The following ZMAT1 variants were observed in gnomAD, a reference collection of about 807,000 sequenced individuals.
ZMAT1 encodes zinc finger matrin-type 1, also known as zinc finger matrin-type protein 1.
Under a neutral mutation model 18.5 loss-of-function variants are expected in ZMAT1, and 11 were observed. The observed-to-expected ratio is 0.59, with a 90% CI of 0.37 to 0.98. The LOEUF is 0.98. Among genes scored for constraint, ZMAT1 ranks in the 50% least tolerant of loss-of-function variants. The pLI, the probability that ZMAT1 is intolerant of heterozygous loss-of-function variation, is 0.01. For synonymous variants in ZMAT1, 211 were observed against 176.4 expected, an observed-to-expected ratio of 1.20 and a Z score of -1.55; for missense variants, 525 against 496.2, an observed-to-expected ratio of 1.06 and a Z score of -0.55.
Position 101,914,472 on chromosome X carries a change from G to A in ZMAT1, c.293-10142C>T, listed in dbSNP as rs916184226. Among the ~76,000 whole-genome samples, 3 of 110,804 alleles carry A rather than the reference G, an allele frequency of 2.7e-5. No homozygotes were observed. The Admixed American group carries it at 2.9e-4, about 11-fold the overall frequency. ...ATTAGCCAGACTACTAAGAAAAAAA[G>A]CAAGAAGATCCAAATATATCAAATC... On this transcript the variant is annotated intron_variant, in intron 1 of 5. Transcript: ENST00000651725.
Position 101,922,945 on chromosome X carries a change from A to T in ZMAT1, c.292+8772T>A, listed in dbSNP as rs138947604. Among the ~76,000 whole-genome samples, 633 of 111,446 alleles carry T rather than the reference A, an allele frequency of 5.7e-3. 3 individuals are homozygous for T. The highest frequency in any genetic ancestry group is 8.1e-3 in the Non-Finnish European group (428 of 53,082). On this transcript the variant is annotated intron_variant, in intron 1 of 5. Coordinates refer to ENST00000651725, the MANE Select transcript of ZMAT1 (RefSeq NM_001394560.1). ...CCTCAGGGAGCAGATGTTCAATTAG[A>T]GGATAGGTGAGCAGATAATGTTGAC... is the stretch of plus-strand genomic sequence containing the variant.
intron 4 of ZMAT1, among the ~76,000 whole-genome samples, chrX:101,893,616 C>T (rs919437374): frequency 4.5e-5 from 5 of 111,486 alleles, no homozygotes; most frequent in Admixed American, 9.6e-5. Context: ...TATTTCTGTG[C>T]GAGTTTCTAT....
Position 101,931,964 on chromosome X carries a change from A to C in ZMAT1, c.45T>G (p.Ser15=), listed in dbSNP as rs996314149. ...CAGAGACGGTAGCTTCCTGAGGGGA[A>C]GACTCCGCCGCCAGCGGGGTGACTG... ...PSTVTPLAAE[S]SPQEATVSAA... The change falls in exon 1 of 6, where the codon TCT becomes TCG. Residue 15 remains serine (S), a synonymous_variant. Transcript: ENST00000651725. 4 of 772,060 alleles carry C rather than the reference A, an allele frequency of 5.2e-6. No individual in the cohort carries two copies. The highest frequency in any genetic ancestry group is 6.1e-6 in the Non-Finnish European group (4 of 651,355). 63.6% of individuals were successfully genotyped at this position (772,060 alleles called of 1,213,427 possible).
Position 101,897,905 on chromosome X carries a change from A to G in ZMAT1, c.639T>C (p.His213=). 7.4e-6 allele frequency: 9 copies of G among 1,211,515 alleles called. No individual in the cohort carries two copies. The highest frequency in any genetic ancestry group is 8.9e-6 in the Non-Finnish European group (8 of 895,362). Residue 213 remains histidine, a synonymous_variant, in exon 4 of 6, where the codon CAT becomes CAC. Coordinates refer to ENST00000651725, the MANE Select transcript of ZMAT1 (RefSeq NM_001394560.1). ...AKKLKQLMEE[H]DQASPSGFQP... ...GAAATCCTGATGGAGATGCCTGATCATGTTCCTCCATTAATTGCTTCAGTT... is the reference window on the plus strand; with the variant it reads ...GAAATCCTGATGGAGATGCCTGATCGTGTTCCTCCATTAATTGCTTCAGTT...
At chrX:101,902,291 T>C (rs1469984096) in intron 2 of ZMAT1, among the ~76,000 whole-genome samples, 2 of 112,068 alleles carry the variant, frequency 1.8e-5, no homozygotes, top group Non-Finnish European at 3.8e-5. Context: ...TATTTGCTTC[T>C]TGTTCTAATT....
At chrX:101,924,568 A>G (rs1265267446) in intron 1 of ZMAT1, among the ~76,000 whole-genome samples, 1 of 112,204 alleles carries the variant, frequency 8.9e-6, no homozygotes, top group Non-Finnish European at 1.9e-5. Flanking sequence ...AGCAATGGGG[A>G]ATAAGAAAGT....
chrX:101,910,851 T>C (rs967712781), intron 1 of ZMAT1, among the ~76,000 whole-genome samples: 2 of 111,439 alleles, frequency 1.8e-5, no homozygotes, highest in African/African-American at 6.5e-5. Context: ...AGAAATTAGG[T>C]AGAAAGCTTA....
chrX:101,905,396 C>G lies in ZMAT1; in HGVS notation c.293-1066G>C, dbSNP rs891901840. Among the ~76,000 whole-genome samples, 3 of 112,483 alleles carry G rather than the reference C, an allele frequency of 2.7e-5. No homozygotes were observed. In the East Asian group the frequency reaches 8.3e-4, roughly 31 times the overall value. ...TGTCATCTAAAATTCTTAAGAATTA[C>G]AATGTATTCTGCCAAAGTTTATCCA... On this transcript the variant is annotated intron_variant, in intron 1 of 5. Transcript: ENST00000651725.
At chrX:101,915,689 T>C (rs760607509) in intron 1 of ZMAT1, 26 of 112,157 alleles carry the variant, frequency 2.3e-4, no homozygotes, top group African/African-American at 8.4e-4. Context: ...AAGCATTCCA[T>C]AGTTTTAATC....
intron 1 of ZMAT1, among the ~76,000 whole-genome samples, chrX:101,922,629 G>T (rs1013851969): frequency 9.0e-6 from 1 of 111,324 alleles, no homozygotes; most frequent in Non-Finnish European, 1.9e-5. Context: ...CTGACCTCAG[G>T]TGATCCGCCT....
At chrX:101,904,375 T>C (rs773044415) in intron 1 of ZMAT1, 45 bp from the exon 2 acceptor site, 10 of 953,160 alleles carry the variant, frequency 1.0e-5, no homozygotes, top group Admixed American at 2.7e-5. Flanking sequence ...TTAATAAATA[T>C]TTAGAGGTAT....
chrX:101,922,949 T>C (rs1929823286), intron 1 of ZMAT1, among the ~76,000 whole-genome samples: 5 of 111,152 alleles, frequency 4.5e-5, no homozygotes, highest in African/African-American at 1.6e-4. Context: ...AATTAGAGGA[T>C]AGGTGAGCAG....
chrX:101,911,461 A>G, intron 1 of ZMAT1: 1 of 602,106 alleles, frequency 1.7e-6, no homozygotes. Flanking sequence ...CCAATCAAAA[A>G]GAATAACTAC....
intron 4 of ZMAT1, among the ~76,000 whole-genome samples, chrX:101,892,531 G>C (rs913118547): frequency 1.8e-5 from 2 of 111,591 alleles, no homozygotes; most frequent in African/African-American, 6.5e-5. Context: ...ATAAACATTG[G>C]AACTACTAGC....
At chrX:101,904,975 A>C (rs928829888) in intron 1 of ZMAT1, among the ~76,000 whole-genome samples, 3 of 111,219 alleles carry the variant, frequency 2.7e-5, no homozygotes, top group South Asian at 3.7e-4. Context: ...AACCAACCAA[A>C]CAAACAAAAA....
intron 5 of ZMAT1, among the ~76,000 whole-genome samples, chrX:101,885,356 G>A (rs1252335156): frequency 9.0e-6 from 1 of 111,298 alleles, no homozygotes; most frequent in East Asian, 2.8e-4. Context: ...GTAATCTTGA[G>A]ATTTTTAAAA....
chrX:101,900,592 G>T (rs757553369), intron 2 of ZMAT1, among the ~76,000 whole-genome samples: 6 of 111,731 alleles, frequency 5.4e-5, no homozygotes, highest in Admixed American at 1.9e-4. Flanking sequence ...TGTTTGCTTT[G>T]TTGAAGATCA....
intron 4 of ZMAT1, among the ~76,000 whole-genome samples, chrX:101,897,420 C>A (rs1927895362): frequency 9.6e-6 from 1 of 104,291 alleles, no homozygotes; most frequent in African/African-American, 3.5e-5. Flanking sequence ...AGCGCACCAG[C>A]ATGGCACATG....
chrX:101,897,887 T>C lies in ZMAT1; in HGVS notation c.657A>G (p.Ser219=). The C allele has an allele frequency of 8.3e-7, 1 of 1,211,146 alleles. No individual in the cohort carries two copies. Among genetic ancestry groups the C allele is most frequent in the South Asian group, 1.8e-5 (1 of 56,786 alleles). ...LMEEHDQASP[S]GFQPEMAFSM... Reference sequence around the variant, plus strand: ...CCTTACCCATCTCTGGTTGAAATCCTGATGGAGATGCCTGATCATGTTCCT... The same window carrying C: ...CCTTACCCATCTCTGGTTGAAATCCCGATGGAGATGCCTGATCATGTTCCT... The change falls in exon 4 of 6, where the codon TCA becomes TCG. Residue 219 remains serine, a synonymous_variant. Transcript: ENST00000651725.
Sources: allele counts gnomAD v4.1 joint callset (sites outside exome capture counted in the v4.1 genomes callset), GRCh38; gene constraint gnomAD v4.1.1; transcripts MANE v1.5; gene names NCBI Gene and HGNC (gene_info 2026-07-23, HGNC 2026-07-21).